The following PCDH7 variants were observed in gnomAD, a reference collection of about 807,000 sequenced individuals.
PCDH7 encodes the protein protocadherin 7.
In PCDH7, 17 loss-of-function variants were observed where a neutral mutation model predicts 58.9. The ratio of observed to expected loss-of-function variants is 0.29; its 90% confidence interval spans 0.20 to 0.43. The LOEUF (loss-of-function observed/expected upper bound fraction) is 0.43. Among genes scored for constraint, PCDH7 ranks in the 20% least tolerant of loss-of-function variants. PCDH7 has a pLI of 1.00. For synonymous variants in PCDH7, 664 were observed against 616.4 expected (o/e 1.08, Z -1.14); for missense variants, 1,274 against 1,441.0 (o/e 0.88, Z 1.88).
chr4:31,071,566 C>T (rs763546805), intron 3 of PCDH7, among the ~76,000 whole-genome samples: 1 of 151,880 alleles, frequency 6.6e-6, no homozygotes, highest in Non-Finnish European at 1.5e-5. Flanking sequence ...AATTTTAGTT[C>T]TATTCTGTTT....
At chr4:31,082,773 G>C (rs758126180) in intron 3 of PCDH7, among the ~76,000 whole-genome samples, 1 of 122,204 alleles carries the variant, frequency 8.2e-6, no homozygotes, top group Non-Finnish European at 1.6e-5. Context: ...CAGAAACTCA[G>C]AAGAGGGAGG....
intron 1 of PCDH7, among the ~76,000 whole-genome samples, chr4:30,812,124 TC>T (rs1727100455): frequency 6.6e-6 from 1 of 152,148 alleles, no homozygotes; most frequent in Non-Finnish European, 1.5e-5. Context: ...CTTAAAGGTC[TC>T]TGAGAATTAA....
chr4:30,720,704 T>G lies in PCDH7; in HGVS notation c.-719T>G, dbSNP rs1200442960. ...GCTCTGTGACGCGAGTAGTCTCCCC[T>G]GCACCGTGCCCGAAGCGACGTGCCG... On this transcript the variant is annotated 5_prime_UTR_variant, in exon 1 of 2. Transcript: ENST00000361762. The surrounding 1 kb of genome is among the most constrained non-coding windows in gnomAD (Gnocchi z 4.7). 1 of 152,630 alleles carries G rather than the reference T, an allele frequency of 6.6e-6. No homozygotes were observed. The highest frequency in any genetic ancestry group is 1.5e-5 in the Non-Finnish European group (1 of 68,370). The allele number at this position is 152,630 out of a possible 1,614,324, so 9.5% of individuals were successfully genotyped here. A position where few individuals can be genotyped will look rare whatever the true frequency, so the allele number is the denominator to read the frequency against.
intron 1 of PCDH7, among the ~76,000 whole-genome samples, chr4:30,821,063 T>C (rs1256419705): frequency 6.6e-6 from 1 of 152,140 alleles, no homozygotes; most frequent in Non-Finnish European, 1.5e-5. Context: ...GCTAAGGACT[T>C]ATGAATTGTC....
intron 3 of PCDH7, among the ~76,000 whole-genome samples, chr4:30,960,921 T>A (rs984405396): frequency 4.6e-5 from 7 of 152,216 alleles, no homozygotes; most frequent in African/African-American, 1.7e-4. Flanking sequence ...GTAAACTTTG[T>A]TAGCTCTCTC....
At chr4:30,807,081 T>C (rs1036985163) in intron 1 of PCDH7, among the ~76,000 whole-genome samples, 1 of 152,186 alleles carries the variant, frequency 6.6e-6, no homozygotes, top group Non-Finnish European at 1.5e-5. Flanking sequence ...ATAGTAGTTG[T>C]TTTGGATCTG....
chr4:31,001,052 A>G (rs546307933), intron 3 of PCDH7, among the ~76,000 whole-genome samples: 1 of 152,054 alleles, frequency 6.6e-6, no homozygotes, highest in Non-Finnish European at 1.5e-5. Flanking sequence ...ATACAAATTT[A>G]TGTCTAATAT....
At chr4:31,044,001 C>T (rs1756091042) in intron 3 of PCDH7, among the ~76,000 whole-genome samples, 1 of 152,078 alleles carries the variant, frequency 6.6e-6, no homozygotes, top group Non-Finnish European at 1.5e-5. Context: ...CTAAGGATAT[C>T]TAATGATGAG....
At chr4:30,996,499 G>A (rs759496855) in intron 3 of PCDH7, among the ~76,000 whole-genome samples, 5 of 152,168 alleles carry the variant, frequency 3.3e-5, no homozygotes, top group Non-Finnish European at 7.4e-5. Context: ...AGAGGAAAAT[G>A]ACTTTTCTTC....
intron 1 of PCDH7, among the ~76,000 whole-genome samples, chr4:30,918,467 A>C (rs1300060326): frequency 6.6e-6 from 1 of 152,090 alleles, no homozygotes; most frequent in Non-Finnish European, 1.5e-5. Flanking sequence ...ATACAGGGTA[A>C]AATATCACAA....
rs543111690 is a variant in PCDH7, at chr4:31,121,334, G to T, written c.*8-21139G>T. On this transcript the variant is annotated intron_variant, in intron 3 of 3. Coordinates refer to the PCDH7 transcript ENST00000509759. ...TAACAGAAAATCATTAGGAAGGAAG[G>T]AAGTGTAAGAAAAATATCAGTGGCT... Among the ~76,000 whole-genome samples, 34 of 152,286 alleles carry T rather than the reference G, an allele frequency of 2.2e-4. No homozygotes were observed. The South Asian group carries it at 4.6e-3, about 20-fold the overall frequency.
intron 1 of PCDH7, among the ~76,000 whole-genome samples, chr4:30,874,790 A>G (rs989306431): frequency 6.6e-6 from 1 of 151,646 alleles, no homozygotes; most frequent in South Asian, 2.1e-4. Flanking sequence ...TCTTCTCCTC[A>G]TTTTCTACCA....
Position 30,721,993 on chromosome 4 carries a change from A to AGCG in PCDH7, c.578_580dup (p.Gly193dup). ...GCTCCAGGAGCCCGGAGGCGGCGGC[A>AGCG]GCGGCGGCGAGAGCCGGCGCGCCGG... is the stretch of plus-strand genomic sequence containing the variant. On this transcript the variant is annotated inframe_insertion, in exon 1 of 2. Coordinates refer to ENST00000361762, the Ensembl canonical transcript of PCDH7. The surrounding 1 kb of genome is among the most constrained non-coding windows in gnomAD (Gnocchi z 6.7). The AGCG allele has an allele frequency of 7.7e-7, 1 of 1,294,254 alleles. No homozygotes were observed. Among genetic ancestry groups the AGCG allele is most frequent in the Non-Finnish European group, 9.8e-7 (1 of 1,023,266 alleles). The allele number at this position is 1,294,254 out of a possible 1,614,324, so 80.2% of individuals were successfully genotyped here.
chr4:30,845,601 CTCTT>C (rs1191574106), intron 1 of PCDH7, among the ~76,000 whole-genome samples: 1 of 152,032 alleles, frequency 6.6e-6, no homozygotes, highest in Non-Finnish European at 1.5e-5. Flanking sequence ...TGTGTATTCT[CTCTT>C]TGTCTTTTTG....
intron 1 of PCDH7, among the ~76,000 whole-genome samples, chr4:30,904,124 C>T (rs985175089): frequency 6.6e-6 from 1 of 152,138 alleles, no homozygotes; most frequent in Non-Finnish European, 1.5e-5. Context: ...CTTCCATCTA[C>T]TCCCCACCAT....
At chr4:30,856,775 A>C (rs1462639291) in intron 1 of PCDH7, among the ~76,000 whole-genome samples, 1 of 151,720 alleles carries the variant, frequency 6.6e-6, no homozygotes, top group Non-Finnish European at 1.5e-5. Flanking sequence ...ATAAGATTGC[A>C]AACAGAGGTG....
At chr4:30,843,328 A>G (rs1731480325) in intron 1 of PCDH7, among the ~76,000 whole-genome samples, 3 of 152,038 alleles carry the variant, frequency 2.0e-5, no homozygotes, top group Non-Finnish European at 4.4e-5. Flanking sequence ...CTGCCGCTGG[A>G]GTAGCTGGGA....
At chr4:30,909,431 C>T (rs1741430821) in intron 1 of PCDH7, among the ~76,000 whole-genome samples, 1 of 152,132 alleles carries the variant, frequency 6.6e-6, no homozygotes. Context: ...TTTAGAAAAC[C>T]CATCTTCTCA....
At chr4:31,122,745 G>T (rs1237214155) in intron 3 of PCDH7, among the ~76,000 whole-genome samples, 1 of 150,692 alleles carries the variant, frequency 6.6e-6, no homozygotes, top group East Asian at 1.9e-4. Flanking sequence ...TAAGTAAATT[G>T]GGATTTAAGC....
Sources: gnomAD v4.1 joint callset for allele counts (sites outside exome capture counted in the v4.1 genomes callset) on GRCh38, gnomAD v4.1.1 for gene constraint, Gnocchi (gnomAD v3.1) non-coding constraint, MANE v1.5 for transcripts, NCBI Gene and HGNC (gene_info 2026-07-23, HGNC 2026-07-21) for gene names.